The following NCOA2 variants were observed in gnomAD, a reference collection of about 807,000 sequenced individuals.
NCOA2 encodes the protein nuclear receptor coactivator 2.
Under a neutral mutation model 145.1 loss-of-function variants are expected in NCOA2, and 21 were observed. The ratio of observed to expected loss-of-function variants is 0.14; its 90% CI spans 0.10 to 0.21. The LOEUF (loss-of-function observed/expected upper bound fraction) is 0.21. Among genes scored for constraint, NCOA2 ranks in the 10% least tolerant of loss-of-function variants. The pLI is 1.00. For missense variants in NCOA2, 1,472 were observed against 1,837.6 expected (o/e 0.80, Z 3.64); for synonymous variants, 619 against 637.5 (o/e 0.97, Z 0.44).
chr8:70,309,948 G>A (rs1828182105), intron 1 of NCOA2, among the ~76,000 whole-genome samples: 1 of 151,746 alleles, frequency 6.6e-6, no homozygotes, highest in Non-Finnish European at 1.5e-5. Context: ...GCAAGACCCT[G>A]TCTCGAAAAC....
intron 6 of NCOA2, 150 bp downstream of exon 6, chr8:70,170,052 C>A (rs2132624559): frequency 1.4e-6 from 1 of 702,042 alleles, no homozygotes; most frequent in Non-Finnish European, 2.3e-6. Context: ...CTTAAACACA[C>A]AAGCATCTGT....
chr8:70,249,977 A>AAAAAAAAAAAAAAAAG (rs751876043), intron 2 of NCOA2, among the ~76,000 whole-genome samples: 1 of 137,918 alleles, frequency 7.3e-6, no homozygotes, highest in African/African-American at 2.8e-5. Flanking sequence ...AAAAAAAAAA[A>AAAAAAAAAAAAAAAAG]AAGAAGAAGA....
intron 1 of NCOA2, among the ~76,000 whole-genome samples, chr8:70,348,142 T>TA (rs1319759447): frequency 6.6e-6 from 1 of 152,106 alleles, no homozygotes; most frequent in African/African-American, 2.4e-5. Context: ...CTAAAAAGCA[T>TA]AAAGAAAAGT....
intron 22 of NCOA2, among the ~76,000 whole-genome samples, chr8:70,118,688 ATTT>A (rs745330846): frequency 7.4e-6 from 1 of 135,846 alleles, no homozygotes; most frequent in Non-Finnish European, 1.6e-5. Flanking sequence ...CTGGGGGAGG[ATTT>A]TTTTTTTTTT....
At chr8:70,167,863 G>T (rs1415122409) in intron 6 of NCOA2, among the ~76,000 whole-genome samples, 1 of 152,092 alleles carries the variant, frequency 6.6e-6, no homozygotes, top group Non-Finnish European at 1.5e-5. Flanking sequence ...GATTTTACCA[G>T]GTTAACTTCC....
intron 1 of NCOA2, among the ~76,000 whole-genome samples, chr8:70,336,050 G>A (rs1254098216): frequency 2.0e-5 from 3 of 152,182 alleles, no homozygotes; most frequent in Admixed American, 6.5e-5. Flanking sequence ...GGAGCTTGCA[G>A]GACTGGAAGA....
chr8:70,386,231 A>T (rs1195299958), intron 1 of NCOA2, among the ~76,000 whole-genome samples: 1 of 152,238 alleles, frequency 6.6e-6, no homozygotes, highest in Non-Finnish European at 1.5e-5. Context: ...TACTTTTATA[A>T]ATCTCAGTGA....
the NCOA2 span, chr8:70,424,697 A>G: frequency 8.1e-6 from 2 of 246,042 alleles, no homozygotes; most frequent in Non-Finnish European, 8.3e-6. Context: ...TAACTACTCA[A>G]TTCTGTCTTT....
chr8:70,129,826 A>G (rs535180556), intron 16 of NCOA2, among the ~76,000 whole-genome samples: 2 of 152,210 alleles, frequency 1.3e-5, no homozygotes, highest in South Asian at 4.2e-4. Context: ...ATGCGCCACC[A>G]AGCCCGGCTA....
chr8:70,196,872 G>A (rs914164319), intron 4 of NCOA2, among the ~76,000 whole-genome samples: 3 of 152,174 alleles, frequency 2.0e-5, no homozygotes, highest in South Asian at 4.1e-4. Flanking sequence ...ACCAGACTGC[G>A]CTTTGGGTTC....
At chr8:70,236,258 T>G (rs952375515) in intron 2 of NCOA2, among the ~76,000 whole-genome samples, 1 of 152,222 alleles carries the variant, frequency 6.6e-6, no homozygotes, top group Non-Finnish European at 1.5e-5. Flanking sequence ...ATAAGTCTCC[T>G]TATTTCCAGA....
intron 1 of NCOA2, among the ~76,000 whole-genome samples, chr8:70,399,098 A>G (rs1462975083): frequency 6.6e-6 from 1 of 152,256 alleles, no homozygotes; most frequent in Non-Finnish European, 1.5e-5. Flanking sequence ...TAGCATCTAG[A>G]ATCCATAAAG....
chr8:70,144,979 A>G (rs945572319), intron 12 of NCOA2, 131 bp from the exon 13 acceptor site: 10 of 744,884 alleles, frequency 1.3e-5, no homozygotes, highest in Non-Finnish European at 2.2e-5. Flanking sequence ...CCTAGATAAA[A>G]GACAAAATCA....
At chr8:70,426,943 C>T in the NCOA2 span, among the ~76,000 whole-genome samples, 8 of 152,144 alleles carry the variant, frequency 5.3e-5, no homozygotes, top group Admixed American at 5.2e-4. Context: ...CAGGTGTGTG[C>T]CACCACACTC....
chr8:70,323,461 G>C (rs1366921807), intron 1 of NCOA2, among the ~76,000 whole-genome samples: 2 of 152,172 alleles, frequency 1.3e-5, no homozygotes, highest in Non-Finnish European at 2.9e-5. Flanking sequence ...AATGCTGACA[G>C]TGAAAAGCAG....
intron 1 of NCOA2, among the ~76,000 whole-genome samples, chr8:70,379,035 G>A (rs1811939544): frequency 1.3e-5 from 2 of 152,152 alleles, no homozygotes; most frequent in Non-Finnish European, 2.9e-5. Context: ...CTCTCCTGAA[G>A]ACAAGCAGTT....
intron 16 of NCOA2, among the ~76,000 whole-genome samples, chr8:70,130,383 G>A (rs577718653): frequency 1.4e-3 from 208 of 152,242 alleles, no homozygotes; most frequent in African/African-American, 4.8e-3. Context: ...CATGACACCT[G>A]TTTTGATAAC....
At chr8:70,430,626 T>C in the NCOA2 span, among the ~76,000 whole-genome samples, 47 of 152,314 alleles carry the variant, frequency 3.1e-4, no homozygotes, top group South Asian at 9.7e-3. Context: ...GATAGGTTAG[T>C]TCGGCATTAC....
At chr8:70,454,471 A>G in the NCOA2 span, among the ~76,000 whole-genome samples, 4 of 152,354 alleles carry the variant, frequency 2.6e-5, no homozygotes, top group East Asian at 7.7e-4. Context: ...AACTGTATTT[A>G]GAGTCCCTAA....
Sources: allele counts gnomAD v4.1 joint callset (sites outside exome capture counted in the v4.1 genomes callset), GRCh38; gene constraint gnomAD v4.1.1; transcripts MANE v1.5; gene names NCBI Gene and HGNC (gene_info 2026-07-23, HGNC 2026-07-21).